The following COBLL1 variants were observed in gnomAD, a reference collection of about 807,000 sequenced individuals.
COBLL1 encodes the protein cordon-bleu WH2 repeat protein like 1, also known as cordon-bleu protein-like 1.
A neutral mutation model predicts 94.8 loss-of-function variants in COBLL1; 50 were observed. The ratio of observed to expected loss-of-function variants is 0.53; its 90% CI spans 0.42 to 0.67. The LOEUF is 0.67. COBLL1 is among the 30% of genes least tolerant of loss of function. COBLL1 has a pLI of 0.00. For missense variants in COBLL1, 1,362 were observed against 1,348.7 expected, an observed-to-expected ratio of 1.01 and a Z score of -0.15; for synonymous variants, 448 against 473.8, an observed-to-expected ratio of 0.95 and a Z score of 0.71.
intron 2 of COBLL1, among the ~76,000 whole-genome samples, chr2:164,799,535 T>C (rs897165561): frequency 5.3e-5 from 8 of 152,204 alleles, no homozygotes; most frequent in Admixed American, 2.0e-4. Context: ...CTTTTCAAAT[T>C]TATCTGTATT....
chr2:164,757,985 C>A (rs531008624), intron 2 of COBLL1, among the ~76,000 whole-genome samples: 1 of 151,612 alleles, frequency 6.6e-6, no homozygotes, highest in Non-Finnish European at 1.5e-5. Context: ...AGAAAAACAT[C>A]TTGGGGAAAA....
chr2:164,792,227 C>A (rs1205494061), intron 2 of COBLL1, among the ~76,000 whole-genome samples: 1 of 152,038 alleles, frequency 6.6e-6, no homozygotes, highest in Non-Finnish European at 1.5e-5. Context: ...CTCCTGAACT[C>A]AAGCAATCCT....
intron 2 of COBLL1, among the ~76,000 whole-genome samples, chr2:164,762,467 C>T (rs1245418896): frequency 6.6e-6 from 1 of 152,196 alleles, no homozygotes; most frequent in African/African-American, 2.4e-5. Context: ...GAAAAGAGTG[C>T]TGGATTACAA....
At position 164,704,994 on chromosome 2, in the gene COBLL1, T is replaced by G; in HGVS notation, c.1108A>C (p.Lys370Gln). The part of the protein sequence containing the change: ...TKRKAPSPPS[K>Q]IPPHQSDENS... ...TCATCACTTTGATGCGGGGGTATTT[T>G]GGAGGGTGGGGAAGGTGCTTTTCGC... Residue 370 changes from lysine to glutamine, a missense_variant, in exon 8 of 14, where the codon AAA becomes CAA. Transcript: ENST00000652658. The G allele has an allele frequency of 1.2e-6, 2 of 1,602,680 alleles. No individual in the cohort carries two copies. The highest frequency in any genetic ancestry group is 2.7e-5 in the African/African-American group (2 of 74,388).
At chr2:164,688,549 T>C (rs1448968530) in intron 13 of COBLL1, among the ~76,000 whole-genome samples, 1 of 152,166 alleles carries the variant, frequency 6.6e-6, no homozygotes, top group Non-Finnish European at 1.5e-5. Context: ...TATCTACTAG[T>C]TGATTGTCTA....
At chr2:164,830,144 C>T (rs1413746552) in intron 2 of COBLL1, among the ~76,000 whole-genome samples, 2 of 152,174 alleles carry the variant, frequency 1.3e-5, no homozygotes, top group Non-Finnish European at 2.9e-5. Flanking sequence ...CTACTCACTC[C>T]CTGCTTCCTA....
At chr2:164,774,594 T>C (rs940715728) in intron 2 of COBLL1, among the ~76,000 whole-genome samples, 6 of 152,224 alleles carry the variant, frequency 3.9e-5, no homozygotes, top group African/African-American at 1.4e-4. Context: ...TCTTCTTCCA[T>C]GTGTGCAATA....
chr2:164,737,799 T>A (rs1686389365), intron 3 of COBLL1, among the ~76,000 whole-genome samples: 1 of 152,180 alleles, frequency 6.6e-6, no homozygotes, highest in Admixed American at 6.5e-5. Flanking sequence ...TAGGTGGCGC[T>A]GTAATCCATG....
intron 2 of COBLL1, among the ~76,000 whole-genome samples, chr2:164,660,655 G>A (rs1372876804): frequency 6.6e-6 from 1 of 152,110 alleles, no homozygotes; most frequent in African/African-American, 2.4e-5. Context: ...AGAGTTGACT[G>A]GTACAGTTTC....
intron 2 of COBLL1, among the ~76,000 whole-genome samples, chr2:164,815,215 T>C (rs1395327284): frequency 6.6e-6 from 1 of 151,676 alleles, no homozygotes; most frequent in Non-Finnish European, 1.5e-5. Flanking sequence ...GCCTGGCCAA[T>C]GTGGTGAAAC....
chr2:164,742,295 G>T (rs1686640222), intron 3 of COBLL1, among the ~76,000 whole-genome samples: 2 of 151,644 alleles, frequency 1.3e-5, no homozygotes, highest in South Asian at 4.2e-4. Context: ...GAGTATTTGT[G>T]ATGAAACCAA....
At chr2:164,743,920 T>A in intron 2 of COBLL1, 45 bp from the exon 3 acceptor site, 1 of 1,333,668 alleles carries the variant, frequency 7.5e-7, no homozygotes, top group Non-Finnish European at 1.0e-6. Flanking sequence ...ATTTTATTTT[T>A]AAGGTAACTT....
At chr2:164,815,440 C>T (rs1449651892) in intron 2 of COBLL1, among the ~76,000 whole-genome samples, 1 of 150,994 alleles carries the variant, frequency 6.6e-6, no homozygotes, top group East Asian at 1.9e-4. Flanking sequence ...GCATACTTTC[C>T]AAATGCTTAA....
chr2:164,789,086 T>C (rs1317846308), intron 2 of COBLL1, among the ~76,000 whole-genome samples: 1 of 147,606 alleles, frequency 6.8e-6, no homozygotes, highest in African/African-American at 2.4e-5. Flanking sequence ...TGCATGCCTG[T>C]AGTCCCAGCT....
At chr2:164,687,389 C>A in intron 13 of COBLL1, 1 of 809,532 alleles carries the variant, frequency 1.2e-6, no homozygotes, top group South Asian at 1.4e-5. Context: ...TCAAATTCAT[C>A]GACATTGAAC....
In COBLL1 at chr2:164,769,227, A is replaced by T. The variant is rs77965717; in HGVS notation, c.42-25352T>A. Among the ~76,000 whole-genome samples the T allele has an allele frequency of 3.4e-3, 517 of 152,294 alleles. 2 individuals carry two copies. The highest frequency in any genetic ancestry group is 0.012 in the African/African-American group (497 of 41,566). ...ATTTTTAATGTATTTAGTGTGAAATAACAGTTCCTTTCAGCATTTGACCCT... is the reference window on the plus strand; with the variant it reads ...ATTTTTAATGTATTTAGTGTGAAATTACAGTTCCTTTCAGCATTTGACCCT... On this transcript the variant is annotated intron_variant, in intron 2 of 13. Transcript: ENST00000652658.
chr2:164,819,781 A>T (rs942675008), intron 2 of COBLL1, among the ~76,000 whole-genome samples: 2 of 151,620 alleles, frequency 1.3e-5, no homozygotes, highest in African/African-American at 2.4e-5. Flanking sequence ...GGTAAAAAAG[A>T]ACATGTAGTT....
intron 2 of COBLL1, among the ~76,000 whole-genome samples, chr2:164,835,451 A>T (rs188114364): frequency 9.1e-4 from 139 of 152,346 alleles, no homozygotes; most frequent in Non-Finnish European, 1.6e-3. Context: ...AGTAGTCAAA[A>T]TCAGAGACAA....
At chr2:164,698,829 TCAGA>T (rs1684086624) in intron 11 of COBLL1, among the ~76,000 whole-genome samples, 1 of 152,088 alleles carries the variant, frequency 6.6e-6, no homozygotes, top group African/African-American at 2.4e-5. Flanking sequence ...AAATTGTCTT[TCAGA>T]CAAAGACAAC....
Sources: gnomAD v4.1 joint callset for allele counts (sites outside exome capture counted in the v4.1 genomes callset) on GRCh38, gnomAD v4.1.1 for gene constraint, MANE v1.5 for transcripts, NCBI Gene and HGNC (gene_info 2026-07-23, HGNC 2026-07-21) for gene names.